Variants in EPHA7 observed in about 807,000 individuals in gnomAD.
EPHA7 encodes the protein EPH receptor A7, also known as ephrin type-A receptor 7.
EPHA7 carries 25 observed loss-of-function variants against 112.6 expected under a neutral mutation model. The ratio of observed to expected loss-of-function variants is 0.22; its 90% confidence interval spans 0.16 to 0.31. The LOEUF (loss-of-function observed/expected upper bound fraction) is 0.31, where lower values mean the gene tolerates loss of function less well. Among genes scored for constraint, EPHA7 ranks in the 10% least tolerant of loss-of-function variants. The probability of loss-of-function intolerance (pLI) is 1.00; values close to 1 mark genes in which losing one functional copy is unlikely to be tolerated. For missense variants in EPHA7, 962 were observed against 1,212.6 expected (o/e 0.79, Z 3.07); for synonymous variants, 437 against 406.5 (o/e 1.07, Z -0.90).
At chr6:93,325,027 G>A (rs982924831) in intron 5 of EPHA7, among the ~76,000 whole-genome samples, 6 of 151,198 alleles carry the variant, frequency 4.0e-5, no homozygotes, top group Non-Finnish European at 7.4e-5. Flanking sequence ...TAAAACTGGG[G>A]TTATGTAGTA....
intron 5 of EPHA7, among the ~76,000 whole-genome samples, chr6:93,351,593 G>C (rs1278328980): frequency 6.6e-6 from 1 of 151,922 alleles, no homozygotes; most frequent in African/African-American, 2.4e-5. Context: ...GTGTAGCATA[G>C]TGATACGTTT....
intron 3 of EPHA7, among the ~76,000 whole-genome samples, chr6:93,398,088 C>T (rs1778267177): frequency 6.6e-6 from 1 of 151,878 alleles, no homozygotes; most frequent in Non-Finnish European, 1.5e-5. Flanking sequence ...AGTATTTTAA[C>T]CTTGTTCACT....
At chr6:93,281,277 T>G (rs1771723466) in intron 5 of EPHA7, among the ~76,000 whole-genome samples, 1 of 152,120 alleles carries the variant, frequency 6.6e-6, no homozygotes, top group Non-Finnish European at 1.5e-5. Context: ...TGTTATAAAA[T>G]ATATTGAGAA....
chr6:93,326,225 T>C (rs1011979080), intron 5 of EPHA7, among the ~76,000 whole-genome samples: 3 of 151,400 alleles, frequency 2.0e-5, no homozygotes, highest in Non-Finnish European at 4.4e-5. Context: ...GCTATGTTCA[T>C]GTCACCACTG....
At chr6:93,312,003 T>C (rs555263915) in intron 5 of EPHA7, among the ~76,000 whole-genome samples, 1 of 152,250 alleles carries the variant, frequency 6.6e-6, no homozygotes, top group Non-Finnish European at 1.5e-5. Flanking sequence ...GCTTAAAACA[T>C]TCAGTAAGCC....
chr6:93,289,878 G>T (rs1366318423), intron 5 of EPHA7, among the ~76,000 whole-genome samples: 1 of 152,076 alleles, frequency 6.6e-6, no homozygotes, highest in African/African-American at 2.4e-5. Flanking sequence ...CATTTAAATG[G>T]TCATCACAAT....
intron 5 of EPHA7, among the ~76,000 whole-genome samples, chr6:93,327,287 A>G (rs375083435): frequency 1.3e-5 from 2 of 151,452 alleles, no homozygotes; most frequent in Non-Finnish European, 3.0e-5. Flanking sequence ...GAATTTTTCT[A>G]TTATCTCAAT....
At chr6:93,405,813 G>GTGTGTGTGTA (rs1357089640) in intron 3 of EPHA7, among the ~76,000 whole-genome samples, 1 of 73,998 alleles carries the variant, frequency 1.4e-5, no homozygotes, top group Non-Finnish European at 2.5e-5. Flanking sequence ...GTGTGTGTGT[G>GTGTGTGTGTA]TATATATATA....
At chr6:93,271,638 G>A (rs1354094641) in intron 6 of EPHA7, among the ~76,000 whole-genome samples, 1 of 151,806 alleles carries the variant, frequency 6.6e-6, no homozygotes, top group Non-Finnish European at 1.5e-5. Context: ...ATACTCAGAT[G>A]TATCGCTAGT....
At chr6:93,282,241 C>T (rs556983654) in intron 5 of EPHA7, among the ~76,000 whole-genome samples, 144 of 152,320 alleles carry the variant, frequency 9.5e-4, no homozygotes, top group African/African-American at 3.4e-3. Flanking sequence ...AGATGTTACA[C>T]ATTCTGTTAA....
chr6:93,278,672 T>C (rs966269974), intron 5 of EPHA7, among the ~76,000 whole-genome samples: 2 of 152,064 alleles, frequency 1.3e-5, no homozygotes, highest in African/African-American at 4.8e-5. Flanking sequence ...TCTTCCCTTC[T>C]AAAACCCTAT....
chr6:93,317,040 C>A (rs1247373822), intron 5 of EPHA7, among the ~76,000 whole-genome samples: 1 of 152,148 alleles, frequency 6.6e-6, no homozygotes, highest in African/African-American at 2.4e-5. Context: ...CTGCTCTTTC[C>A]TAAACATATA....
At chr6:93,250,444 T>C (rs1562043037) in intron 14 of EPHA7, among the ~76,000 whole-genome samples, 2 of 152,138 alleles carry the variant, frequency 1.3e-5, no homozygotes, top group Non-Finnish European at 2.9e-5. Context: ...TTATTAGGTT[T>C]AAGTATCATT....
intron 7 of EPHA7, among the ~76,000 whole-genome samples, chr6:93,268,625 A>T (rs2127875830): frequency 6.6e-6 from 1 of 151,840 alleles, no homozygotes; most frequent in African/African-American, 2.4e-5. Context: ...TCCAAAATAT[A>T]GAAACATGTA....
chr6:93,245,938 C>T (rs536364471), intron 15 of EPHA7, among the ~76,000 whole-genome samples: 2 of 152,124 alleles, frequency 1.3e-5, no homozygotes, highest in Admixed American at 1.3e-4. Context: ...TCTTACCTGG[C>T]GTCTGAGGCT....
rs969617412 is a variant in EPHA7 at position 93,240,235 on chromosome 6, T to G, written c.*3191A>C. 3 of 223,994 alleles carry G rather than the reference T, an allele frequency of 1.3e-5. No individual in the cohort carries two copies. The highest frequency in any genetic ancestry group is 2.7e-5 in the Non-Finnish European group (3 of 112,350). 13.9% of individuals were successfully genotyped at this position (223,994 alleles called of 1,614,324 possible). ...AGCACATCTCGCCCCGAGTTCCCCA[T>G]GATTTCTCCACATATAGCAAAAAAA... On this transcript the variant is annotated 3_prime_UTR_variant, in exon 17 of 17. Coordinates refer to ENST00000369303, the MANE Select transcript of EPHA7 (RefSeq NM_004440.4).
intron 5 of EPHA7, among the ~76,000 whole-genome samples, chr6:93,301,371 GTTCTC>G (rs1204500398): frequency 2.6e-5 from 4 of 152,042 alleles, no homozygotes; most frequent in Non-Finnish European, 4.4e-5. Flanking sequence ...AAACATGACA[GTTCTC>G]TTCTAGCTAA....
chr6:93,287,218 G>A (rs1772111677), intron 5 of EPHA7, among the ~76,000 whole-genome samples: 1 of 152,114 alleles, frequency 6.6e-6, no homozygotes, highest in Admixed American at 6.6e-5. Flanking sequence ...TGTTTCTCAA[G>A]CCTATAACTC....
At chr6:93,273,530 C>A (rs1364280698) in intron 5 of EPHA7, among the ~76,000 whole-genome samples, 1 of 151,932 alleles carries the variant, frequency 6.6e-6, no homozygotes. Context: ...CTAAAAACCA[C>A]ATTTTTCACT....
Sources: allele counts gnomAD v4.1 joint callset (sites outside exome capture counted in the v4.1 genomes callset), GRCh38; gene constraint gnomAD v4.1.1; transcripts MANE v1.5; gene names NCBI Gene and HGNC (gene_info 2026-07-23, HGNC 2026-07-21).